Variants in TRPM3 observed in about 807,000 individuals in gnomAD.
TRPM3 encodes the protein transient receptor potential cation channel subfamily M member 3.
Under a neutral mutation model 181.2 loss-of-function variants are expected in TRPM3, and 77 were observed. That is an observed-to-expected ratio of 0.42 (90% confidence interval 0.35 to 0.51). The LOEUF is 0.51. Ranked by LOEUF, TRPM3 falls within the 20% of genes least tolerant of loss-of-function variation. The pLI is 0.01. For synonymous variants in TRPM3, 745 were observed against 796.4 expected (o/e 0.94, Z 1.09); for missense variants, 1,759 against 2,196.7 (o/e 0.80, Z 3.98).
chr9:70,692,536 G>A (rs1020840883), intron 8 of TRPM3, among the ~76,000 whole-genome samples: 9 of 152,158 alleles, frequency 5.9e-5, no homozygotes, highest in African/African-American at 2.2e-4. Flanking sequence ...AAAGTCCTAG[G>A]GAGAGGTGAT....
intron 19 of TRPM3, among the ~76,000 whole-genome samples, chr9:70,606,928 T>G (rs2061265856): frequency 6.6e-6 from 1 of 152,154 alleles, no homozygotes. Context: ...CTTTTTCTAC[T>G]ACCTCTGGAG....
At chr9:71,213,098 G>A (rs2079610603) in intron 1 of TRPM3, among the ~76,000 whole-genome samples, 1 of 152,154 alleles carries the variant, frequency 6.6e-6, no homozygotes, top group Non-Finnish European at 1.5e-5. Flanking sequence ...TGGCCAGCTA[G>A]GAAATATTTA....
chr9:71,366,503 G>C (rs150902377), intron 1 of TRPM3, among the ~76,000 whole-genome samples: 30 of 152,224 alleles, frequency 2.0e-4, no homozygotes, highest in African/African-American at 7.0e-4. Context: ...AGGAAAATAT[G>C]AGTCTCCACA....
chr9:71,029,622 A>C (rs1418171945), intron 1 of TRPM3, among the ~76,000 whole-genome samples: 2 of 152,238 alleles, frequency 1.3e-5, no homozygotes, highest in Non-Finnish European at 2.9e-5. Context: ...TATGACAGAA[A>C]GAAGAAAATC....
At chr9:70,796,707 A>G (rs566049930) in intron 6 of TRPM3, among the ~76,000 whole-genome samples, 10 of 152,238 alleles carry the variant, frequency 6.6e-5, no homozygotes, top group Non-Finnish European at 1.5e-4. Context: ...ATGACTTTTG[A>G]TGTGGGTTTT....
chr9:71,268,858 C>A (rs1170332793), intron 1 of TRPM3, among the ~76,000 whole-genome samples: 2 of 151,820 alleles, frequency 1.3e-5, no homozygotes, highest in African/African-American at 2.4e-5. Flanking sequence ...TTAAAAAAAA[C>A]AAAGAATCAG....
intron 1 of TRPM3, among the ~76,000 whole-genome samples, chr9:71,407,959 G>C (rs1484334043): frequency 6.6e-6 from 1 of 152,216 alleles, no homozygotes; most frequent in African/African-American, 2.4e-5. Context: ...CAGGCAAATA[G>C]GGCCCGGAGT....
In TRPM3 at chr9:70,534,575, T is replaced by C. The variant is rs2041348030; in HGVS notation, c.*1378A>G. On this transcript the variant is annotated 3_prime_UTR_variant, in exon 26 of 26. Transcript: ENST00000677713. Reference sequence around the variant, plus strand: ...ATATACTATAGAACTCTTTATATGGTTTATTTGCTTTCTATTTTGGTCTAC... The same window carrying C: ...ATATACTATAGAACTCTTTATATGGCTTATTTGCTTTCTATTTTGGTCTAC... The C allele has an allele frequency of 6.6e-6, 1 of 152,346 alleles. No homozygotes were observed. The highest frequency in any genetic ancestry group is 1.9e-4 in the East Asian group (1 of 5,192). 9.4% of individuals were successfully genotyped at this position (152,346 alleles called of 1,614,324 possible). A position where few individuals can be genotyped will look rare whatever the true frequency, so the allele number is the denominator to read the frequency against.
intron 1 of TRPM3, among the ~76,000 whole-genome samples, chr9:71,047,044 A>G (rs2059521478): frequency 6.6e-6 from 1 of 152,224 alleles, no homozygotes; most frequent in Admixed American, 6.5e-5. Flanking sequence ...GAAAAACACA[A>G]GGTTTTCTTA....
At chr9:70,963,777 A>G (rs1042735066) in intron 1 of TRPM3, among the ~76,000 whole-genome samples, 20 of 152,222 alleles carry the variant, frequency 1.3e-4, no homozygotes, top group East Asian at 1.9e-4. Flanking sequence ...TGCTATCTTG[A>G]AAGTGGGTGA....
intron 1 of TRPM3, among the ~76,000 whole-genome samples, chr9:71,247,919 A>G (rs1351299206): frequency 3.3e-5 from 5 of 152,218 alleles, no homozygotes; most frequent in Admixed American, 6.5e-5. Flanking sequence ...TGAAGGCCTT[A>G]AAATAGGTGT....
At chr9:70,610,173 A>C (rs2061795053) in intron 19 of TRPM3, among the ~76,000 whole-genome samples, 1 of 152,186 alleles carries the variant, frequency 6.6e-6, no homozygotes, top group South Asian at 2.1e-4. Context: ...GCATGCATAC[A>C]CACACTACCT....
chr9:70,749,267 G>A (rs556079974), intron 8 of TRPM3, among the ~76,000 whole-genome samples: 14 of 152,046 alleles, frequency 9.2e-5, no homozygotes, highest in Non-Finnish European at 1.9e-4. Flanking sequence ...TGCAATGTTT[G>A]CTTCTTGATT....
At chr9:70,629,224 G>GA (rs1355613408) in intron 12 of TRPM3, among the ~76,000 whole-genome samples, 1 of 89,978 alleles carries the variant, frequency 1.1e-5, no homozygotes, top group Admixed American at 1.0e-4. Flanking sequence ...CCGGGGGGGG[G>GA]GGGGGCCTGC....
At chr9:70,778,639 A>G (rs1483372624) in intron 7 of TRPM3, among the ~76,000 whole-genome samples, 1 of 152,200 alleles carries the variant, frequency 6.6e-6, no homozygotes, top group African/African-American at 2.4e-5. Flanking sequence ...ATTTACAAAA[A>G]CTATAATGGA....
At position 70,535,736 on chromosome 9, in the gene TRPM3, C is replaced by T; in HGVS notation, c.*217G>A. ...CCCCTCCCTGCCCAGCAAGTGTGAACATGCCTTAAATCCCCTGTGTCTGGC... is the reference window on the plus strand; with the variant it reads ...CCCCTCCCTGCCCAGCAAGTGTGAATATGCCTTAAATCCCCTGTGTCTGGC... On this transcript the variant is annotated 3_prime_UTR_variant, in exon 26 of 26. Transcript: ENST00000677713. The T allele has an allele frequency of 1.4e-6, 2 of 1,444,606 alleles. No individual in the cohort carries two copies. The highest frequency in any genetic ancestry group is 1.8e-6 in the Non-Finnish European group (2 of 1,106,270). The allele number at this position is 1,444,606 out of a possible 1,614,324, so 89.5% of individuals were successfully genotyped here.
intron 3 of TRPM3, among the ~76,000 whole-genome samples, chr9:70,859,902 AC>A: frequency 6.6e-6 from 1 of 152,316 alleles, no homozygotes. Context: ...GTGGTGATCC[AC>A]AGACCACAGA....
intron 22 of TRPM3, among the ~76,000 whole-genome samples, chr9:70,563,252 C>A (rs1588459431): frequency 6.6e-6 from 1 of 152,206 alleles, no homozygotes; most frequent in Admixed American, 6.5e-5. Context: ...GACCTCCTGG[C>A]AGGTGATTGA....
intron 1 of TRPM3, among the ~76,000 whole-genome samples, chr9:71,418,625 A>G (rs775252630): frequency 7.9e-5 from 12 of 151,730 alleles, no homozygotes; most frequent in South Asian, 2.1e-4. Context: ...GAAATAATCA[A>G]TCATCACTAG....
Sources: gnomAD v4.1 joint callset for allele counts (sites outside exome capture counted in the v4.1 genomes callset) on GRCh38, gnomAD v4.1.1 for gene constraint, MANE v1.5 for transcripts, NCBI Gene and HGNC (gene_info 2026-07-23, HGNC 2026-07-21) for gene names.